Variants in FAM193A observed in about 807,000 individuals in gnomAD.
FAM193A encodes protein FAM193A.
A neutral mutation model predicts 126.5 loss-of-function variants in FAM193A; 22 were observed. The observed-to-expected ratio is 0.17, with a 90% CI of 0.12 to 0.25. FAM193A has a LOEUF of 0.25. Ranked by LOEUF, FAM193A falls within the 10% of genes least tolerant of loss-of-function variation. The pLI is 1.00. For missense variants in FAM193A, 1,675 were observed against 1,672.8 expected (o/e 1.00, Z -0.02); for synonymous variants, 761 against 646.8 (o/e 1.18, Z -2.68).
intron 2 of FAM193A, among the ~76,000 whole-genome samples, chr4:2,600,867 C>T (rs955920568): frequency 1.3e-5 from 2 of 152,224 alleles, no homozygotes; most frequent in Admixed American, 6.5e-5. Context: ...CCTTCACAGC[C>T]ATGTATGTCT....
intron 19 of FAM193A, among the ~76,000 whole-genome samples, chr4:2,706,595 C>T (rs1223188706): frequency 1.3e-5 from 2 of 152,032 alleles, no homozygotes; most frequent in African/African-American, 4.8e-5. Context: ...CGTTCCCGTC[C>T]TGTCCTACAG....
rs1201176701 is a variant in FAM193A at position 2,596,190 on chromosome 4, G to A, written c.362G>A (p.Gly121Glu). The A allele has an allele frequency of 5.7e-6, 4 of 702,988 alleles. No individual in the cohort carries two copies. Among genetic ancestry groups the A allele is most frequent in the Non-Finnish European group, 1.0e-5 (4 of 385,002 alleles). The allele number at this position is 702,988 out of a possible 1,614,324, so 43.5% of individuals were successfully genotyped here. A position where few individuals can be genotyped will look rare whatever the true frequency, so the allele number is the denominator to read the frequency against. The change falls in exon 2 of 21, where the codon GGA becomes GAA. Residue 121 changes from glycine to glutamate, a missense_variant. This residue lies in a region of FAM193A where 1,186 missense variants were observed against 1,109.2 expected (regional missense o/e 1.07). Transcript: ENST00000637812. ...AAAGACTCATCATTCTTAGAGAGTG[G>A]AATTAAGACTGCGAGCAAATTGGCC... Reference protein sequence around the residue: ...ERKDSSFLESGIKTASKLALS... With the variant: ...ERKDSSFLESEIKTASKLALS...
At chr4:2,610,656 G>A (rs1056151298) in intron 2 of FAM193A, among the ~76,000 whole-genome samples, 1 of 151,892 alleles carries the variant, frequency 6.6e-6, no homozygotes, top group Non-Finnish European at 1.5e-5. Flanking sequence ...ACCACAATTT[G>A]TTTATCCATT....
chr4:2,732,428 C>A lies in FAM193A; in HGVS notation c.*560C>A. On this transcript the variant is annotated 3_prime_UTR_variant, in exon 21 of 21. Coordinates refer to ENST00000637812, the MANE Select transcript of FAM193A (RefSeq NM_001366318.2). ...AACGAGAAAGTTAAAAACAAGCCCA[C>A]CCAGTACTCACACCATCAAGTCTGT... 1 of 164,822 alleles carries A rather than the reference C, an allele frequency of 6.1e-6. No homozygotes were observed. Among genetic ancestry groups the A allele is most frequent in the Non-Finnish European group, 1.3e-5 (1 of 75,348 alleles). 10.2% of individuals were successfully genotyped at this position (164,822 alleles called of 1,614,324 possible).
At chr4:2,651,651 G>A (rs938194013) in intron 7 of FAM193A, among the ~76,000 whole-genome samples, 2 of 152,184 alleles carry the variant, frequency 1.3e-5, no homozygotes, top group South Asian at 4.1e-4. Flanking sequence ...TTTGACATGA[G>A]ATTTGGGTGG....
At chr4:2,548,614 G>A (rs893165370) in intron 1 of FAM193A, among the ~76,000 whole-genome samples, 2 of 151,192 alleles carry the variant, frequency 1.3e-5, no homozygotes, top group Admixed American at 6.6e-5. Context: ...GTGCCACCGC[G>A]CCTGGCTAAT....
intron 1 of FAM193A, among the ~76,000 whole-genome samples, chr4:2,568,973 C>CTTTTTTTTTTTTTTTTTTTT (rs753557878): frequency 4.4e-5 from 4 of 90,724 alleles, no homozygotes; most frequent in African/African-American, 9.2e-5. Flanking sequence ...TGTTGTTTTG[C>CTTTTTTTTTTTTTTTTTTTT]TTTTTTTTTT....
chr4:2,633,294 G>A (rs1221494305), intron 5 of FAM193A, among the ~76,000 whole-genome samples: 1 of 152,028 alleles, frequency 6.6e-6, no homozygotes, highest in East Asian at 1.9e-4. Context: ...AGCTACTCGG[G>A]AGGCTGAGGC....
At chr4:2,587,374 T>G (rs907272092) in intron 1 of FAM193A, among the ~76,000 whole-genome samples, 3 of 152,138 alleles carry the variant, frequency 2.0e-5, no homozygotes, top group Admixed American at 2.0e-4. Flanking sequence ...GGACCTGCCC[T>G]CATGACCCAT....
intron 4 of FAM193A, among the ~76,000 whole-genome samples, chr4:2,627,274 T>A (rs1196255399): frequency 6.6e-6 from 1 of 151,402 alleles, no homozygotes; most frequent in African/African-American, 2.4e-5. Flanking sequence ...TGTTCTTATG[T>A]CTCAGCCTCC....
intron 4 of FAM193A, among the ~76,000 whole-genome samples, chr4:2,628,444 G>T (rs917478750): frequency 6.6e-6 from 1 of 152,066 alleles, no homozygotes; most frequent in African/African-American, 2.4e-5. Flanking sequence ...TTCAAGACTA[G>T]CCTGGGCAAC....
chr4:2,656,933 G>T (rs925536100), intron 7 of FAM193A, among the ~76,000 whole-genome samples: 1 of 152,172 alleles, frequency 6.6e-6, no homozygotes, highest in Non-Finnish European at 1.5e-5. Context: ...TTGGGAGGCC[G>T]AGGCAGGTGG....
rs1740861597 is a variant in FAM193A at position 2,596,337 on chromosome 4, G to A, written c.501+8G>A. The A allele has an allele frequency of 1.4e-6, 1 of 700,498 alleles. No individual in the cohort carries two copies. The highest frequency in any genetic ancestry group is 2.0e-5 in the Admixed American group (1 of 49,972). 43.4% of individuals were successfully genotyped at this position (700,498 alleles called of 1,614,324 possible). A position where few individuals can be genotyped will look rare whatever the true frequency, so the allele number is the denominator to read the frequency against. ...GGCCTTGACCAGCCAGTGGTGAGTG[G>A]CTGCCAGCACAGGCAGCGCAGGGCG... On this transcript the variant is annotated splice_region_variant and intron_variant, in intron 2 of 20. Transcript: ENST00000637812.
chr4:2,603,793 G>T (rs191290807), intron 2 of FAM193A, among the ~76,000 whole-genome samples: 1 of 151,774 alleles, frequency 6.6e-6, no homozygotes, highest in South Asian at 2.1e-4. Context: ...GTTTTCACCC[G>T]TGAATTATTT....
At chr4:2,653,292 T>C (rs911147519) in intron 7 of FAM193A, among the ~76,000 whole-genome samples, 4 of 152,226 alleles carry the variant, frequency 2.6e-5, no homozygotes, top group Admixed American at 1.3e-4. Context: ...GAAAATGGTA[T>C]ATATGTAAAA....
intron 1 of FAM193A, among the ~76,000 whole-genome samples, chr4:2,595,551 C>T (rs1345237625): frequency 2.0e-5 from 3 of 152,220 alleles, no homozygotes; most frequent in Admixed American, 2.0e-4. Flanking sequence ...AAGAGATGAG[C>T]TCAGCATCAT....
intron 20 of FAM193A, among the ~76,000 whole-genome samples, chr4:2,726,819 G>A (rs1467616393): frequency 6.8e-6 from 1 of 147,442 alleles, no homozygotes; most frequent in Non-Finnish European, 1.5e-5. Flanking sequence ...GTGTGGTGGT[G>A]CACATCTGTA....
At chr4:2,656,154 G>A (rs1341077970) in intron 7 of FAM193A, among the ~76,000 whole-genome samples, 1 of 152,034 alleles carries the variant, frequency 6.6e-6, no homozygotes, top group Non-Finnish European at 1.5e-5. Flanking sequence ...TACTTGTTTT[G>A]TATAAAGGTT....
chr4:2,562,532 T>G (rs1389713584), intron 1 of FAM193A, among the ~76,000 whole-genome samples: 1 of 152,164 alleles, frequency 6.6e-6, no homozygotes, highest in Non-Finnish European at 1.5e-5. Flanking sequence ...TGATGATCCC[T>G]TAGGCTGTAG....
Sources: gnomAD v4.1 joint callset for allele counts (sites outside exome capture counted in the v4.1 genomes callset) on GRCh38, gnomAD v4.1.1 for gene constraint, gnomAD v4.1.1 regional missense constraint, MANE v1.5 for transcripts, NCBI Gene and HGNC (gene_info 2026-07-23, HGNC 2026-07-21) for gene names.